Variants in NOL4L observed in about 807,000 individuals in gnomAD.
The protein encoded by NOL4L is nucleolar protein 4-like.
A neutral mutation model predicts 64.5 loss-of-function variants in NOL4L; 7 were observed. The observed-to-expected ratio is 0.11, with a 90% CI of 0.06 to 0.20. NOL4L has a LOEUF of 0.20. Among genes scored for constraint, NOL4L ranks in the 10% least tolerant of loss-of-function variants. The probability of loss-of-function intolerance (pLI) is 1.00; values close to 1 mark genes in which losing one functional copy is unlikely to be tolerated. For missense variants in NOL4L, 680 were observed against 967.1 expected (o/e 0.70, Z 3.94); for synonymous variants, 413 against 401.0 (o/e 1.03, Z -0.36).
At chr20:32,454,092 G>A (rs573906820) in intron 6 of NOL4L, 12 of 280,390 alleles carry the variant, frequency 4.3e-5, no homozygotes, top group Admixed American at 2.6e-4. Context: ...GACCTGCCAC[G>A]TGTACAGGGG....
At position 32,463,778 on chromosome 20, in the gene NOL4L, C is replaced by T. The variant is rs2014300616; in HGVS notation, c.842-7383G>A. ...CACAAGCCCAGCTCTGTGCGAACCA[C>T]CAATCGCCACACCGCGCTCTGGGGC... On this transcript the variant is annotated intron_variant, in intron 5 of 10. Transcript: ENST00000621426. The surrounding 1 kb of genome is among the most constrained non-coding windows in gnomAD (Gnocchi z 5.8). Among the ~76,000 whole-genome samples the T allele has an allele frequency of 6.6e-6, 1 of 152,150 alleles. No homozygotes were observed. The highest frequency in any genetic ancestry group is 1.5e-5 in the Non-Finnish European group (1 of 68,012).
At chr20:32,523,010 T>C (rs2017999090) in intron 2 of NOL4L, among the ~76,000 whole-genome samples, 1 of 152,148 alleles carries the variant, frequency 6.6e-6, no homozygotes, top group Non-Finnish European at 1.5e-5. Context: ...TGCTGAGGGC[T>C]GCACACAGGA....
At chr20:32,508,006 A>G (rs1216663347) in intron 4 of NOL4L, among the ~76,000 whole-genome samples, 1 of 152,238 alleles carries the variant, frequency 6.6e-6, no homozygotes, top group African/African-American at 2.4e-5. Flanking sequence ...GTGAGACTAC[A>G]TCTCAAAATA....
rs2012446765 is a variant in NOL4L at position 32,447,812 on chromosome 20, G to C, written c.1827C>G (p.Pro609=). 6.4e-7 allele frequency: 1 copy of C among 1,550,494 alleles called. No individual in the cohort carries two copies. The change falls in exon 11 of 11, where the codon CCC becomes CCG. Residue 609 remains proline, a synonymous_variant. Transcript: ENST00000621426. ...SLQTGNHSNG[P]TDLSMKGGAS... is the part of the protein sequence containing the mutation. ...CCCCGCCTTTCATGCTGAGGTCCGT[G>C]GGCCCTGTGGAGAGGGAAGTAGGGT...
At position 32,452,738 on chromosome 20, in the gene NOL4L, C is replaced by G. The variant is rs996091236; in HGVS notation, c.1620+146G>C. 10 of 1,302,016 alleles carry G rather than the reference C, an allele frequency of 7.7e-6. No individual in the cohort carries two copies. In the African/African-American group the frequency reaches 1.5e-4, roughly 19 times the overall value. 80.7% of individuals were successfully genotyped at this position (1,302,016 alleles called of 1,614,324 possible). ...AACAACACACCTGACCTCCACCCAC[C>G]TCCTCTCCTTGTCTTTGCCCTCCTG... On this transcript the variant is annotated intron_variant, in intron 9 of 10. Coordinates refer to ENST00000621426, the MANE Select transcript of NOL4L (RefSeq NM_001256798.2).
chr20:32,525,095 C>G (rs992198424), intron 2 of NOL4L, among the ~76,000 whole-genome samples: 4 of 152,290 alleles, frequency 2.6e-5, no homozygotes, highest in Non-Finnish European at 4.4e-5. Flanking sequence ...ACGCGGCAGG[C>G]ATATGGACGA....
chr20:32,561,139 C>G (rs1053070175), intron 1 of NOL4L: 4 of 152,322 alleles, frequency 2.6e-5, no homozygotes, highest in African/African-American at 9.7e-5. Context: ...CCTTTTTTTC[C>G]CTCTTCCTCC....
chr20:32,456,182 G>A lies in NOL4L; in HGVS notation c.1055C>T (p.Ser352Leu), dbSNP rs541553258. 2.2e-4 allele frequency: 344 copies of A among 1,599,370 alleles called. 6 individuals are homozygous for A. In the South Asian group the frequency reaches 3.6e-3, roughly 17 times the overall value. ...CAGCCCGTCGGCACCGCAGCCATCCGAGGGGTAGGAGGCTGTGCCAAGTGC... is the reference window on the plus strand; with the variant it reads ...CAGCCCGTCGGCACCGCAGCCATCCAAGGGGTAGGAGGCTGTGCCAAGTGC... ...ATALGTASYPSDGCGADGLRS... is the reference protein window; with the variant it reads ...ATALGTASYPLDGCGADGLRS... Residue 352 changes from serine to leucine, a missense_variant, in exon 6 of 11, where the codon TCG becomes TTG. Coordinates refer to ENST00000621426, the MANE Select transcript of NOL4L (RefSeq NM_001256798.2).
chr20:32,483,173 G>A (rs1185017269), intron 4 of NOL4L, among the ~76,000 whole-genome samples: 1 of 144,260 alleles, frequency 6.9e-6, no homozygotes, highest in Non-Finnish European at 1.5e-5. Context: ...GGGCGCAGCC[G>A]CTCCCCCGCG....
intron 4 of NOL4L, among the ~76,000 whole-genome samples, chr20:32,485,087 A>AAAAAAAAAAAAAAAAAAAC (rs2016022458): frequency 7.3e-6 from 1 of 137,702 alleles, no homozygotes; most frequent in Non-Finnish European, 1.6e-5. Context: ...AAAAAAAAAA[A>AAAAAAAAAAAAAAAAAAAC]CAACTAAAAA....
In NOL4L at chr20:32,456,353, G is replaced by T; in HGVS notation, c.884C>A (p.Thr295Asn). The change falls in exon 6 of 11, where the codon ACC (threonine) becomes AAC (asparagine). Residue 295 changes from threonine to asparagine, a missense_variant. Thr to Asn is a moderately conservative substitution (Grantham distance 65). Coordinates refer to ENST00000621426, the MANE Select transcript of NOL4L (RefSeq NM_001256798.2). Reference protein sequence around the residue: ...SESGSGNGSSTLNPSTSSSTQ... With the variant: ...SESGSGNGSSNLNPSTSSSTQ... ...GCTGCTCGACGTGGATGGGTTCAGG[G>T]TGGAGGAGCCATTGCCGCTGCCACT... The T allele has an allele frequency of 2.0e-6, 3 of 1,485,878 alleles. No individual in the cohort carries two copies. Among genetic ancestry groups the T allele is most frequent in the Admixed American group, 2.4e-5 (1 of 42,504 alleles). The allele number at this position is 1,485,878 out of a possible 1,614,324, so 92.0% of individuals were successfully genotyped here.
At chr20:32,472,148 G>T (rs777612656) in intron 5 of NOL4L, among the ~76,000 whole-genome samples, 1 of 152,232 alleles carries the variant, frequency 6.6e-6, no homozygotes, top group Non-Finnish European at 1.5e-5. Flanking sequence ...CCCCATCAGA[G>T]GCGGAGCTCC....
intron 1 of NOL4L, among the ~76,000 whole-genome samples, chr20:32,572,730 G>A (rs1412349599): frequency 1.3e-5 from 2 of 152,118 alleles, no homozygotes; most frequent in African/African-American, 2.4e-5. Flanking sequence ...CTCCAGATCT[G>A]GGGGCTGGGG....
intron 4 of NOL4L, among the ~76,000 whole-genome samples, chr20:32,476,195 AGGG>A (rs1439399538): frequency 8.5e-6 from 1 of 117,224 alleles, no homozygotes; most frequent in Admixed American, 9.9e-5. Flanking sequence ...ACACACCCGG[AGGG>A]ACACACACAC....
chr20:32,528,969 C>G (rs765723474), intron 1 of NOL4L, among the ~76,000 whole-genome samples: 13 of 152,236 alleles, frequency 8.5e-5, no homozygotes, highest in Non-Finnish European at 1.3e-4. Context: ...CCAAAGGACC[C>G]CAACTCAAGG....
intron 1 of NOL4L, among the ~76,000 whole-genome samples, chr20:32,530,999 AAC>A (rs1168239372): frequency 1.3e-5 from 2 of 152,254 alleles, no homozygotes; most frequent in African/African-American, 2.4e-5. Context: ...TAATTTAAAA[AAC>A]AGTTTTTAAA....
Position 32,471,377 on chromosome 20 carries a change from A to G in NOL4L, c.841+3224T>C, listed in dbSNP as rs145582935. 1.0e-3 allele frequency among the ~76,000 whole-genome samples: 148 copies of G among 147,888 alleles called. No homozygotes were observed. In the Middle Eastern group the frequency reaches 0.014, roughly 14 times the overall value. ...AGGCAAGCTCCCGGGGAGTGAGAGC[A>G]GACACTCACCCCGGTAGAAGCTCAG... On this transcript the variant is annotated intron_variant, in intron 5 of 10. Transcript: ENST00000621426.
intron 4 of NOL4L, among the ~76,000 whole-genome samples, chr20:32,491,372 G>C (rs1233577227): frequency 6.6e-6 from 1 of 152,160 alleles, no homozygotes; most frequent in Non-Finnish European, 1.5e-5. Context: ...AAGGTGCCTG[G>C]GCTGTCAACA....
chr20:32,455,006 C>G (rs1030009086), intron 6 of NOL4L, among the ~76,000 whole-genome samples: 2 of 152,250 alleles, frequency 1.3e-5, no homozygotes, highest in African/African-American at 4.8e-5. Context: ...CACATACAGA[C>G]TTGGATAGGG....
Sources: gnomAD v4.1 joint callset for allele counts (sites outside exome capture counted in the v4.1 genomes callset) on GRCh38, gnomAD v4.1.1 for gene constraint, Gnocchi (gnomAD v3.1) non-coding constraint, MANE v1.5 for transcripts, NCBI Gene and HGNC (gene_info 2026-07-23, HGNC 2026-07-21) for gene names.